Variants in FREM2 observed in about 807,000 individuals in gnomAD.
FREM2 encodes FRAS1 related extracellular matrix 2, also known as FRAS1-related extracellular matrix protein 2.
A neutral mutation model predicts 219.9 loss-of-function variants in FREM2; 119 were observed. The ratio of observed to expected loss-of-function variants is 0.54; its 90% confidence interval spans 0.47 to 0.63. The LOEUF is 0.63. FREM2 is among the 30% of genes least tolerant of loss of function. The probability of loss-of-function intolerance (pLI) is 0.00; values close to 1 mark genes in which losing one functional copy is unlikely to be tolerated. For missense variants in FREM2, 4,030 were observed against 3,993.6 expected (o/e 1.01, Z -0.25); for synonymous variants, 1,562 against 1,522.8 (o/e 1.03, Z -0.60).
Position 38,878,335 on chromosome 13 carries a change from C to T in FREM2, c.8859+14C>T. 2 of 1,602,032 alleles carry T rather than the reference C, an allele frequency of 1.2e-6. No individual in the cohort carries two copies. The highest frequency in any genetic ancestry group is 1.7e-6 in the Non-Finnish European group (2 of 1,170,162). On this transcript the variant is annotated intron_variant, in intron 22 of 23. Transcript: ENST00000280481. Reference sequence around the variant, plus strand: ...TTTAAAATTGTGGTAAGTGCTTTGACCCAAAAAATGAGCTAGATAGATTTT... The same window carrying T: ...TTTAAAATTGTGGTAAGTGCTTTGATCCAAAAAATGAGCTAGATAGATTTT...
At chr13:38,862,834 T>TA (rs1252366406) in intron 15 of FREM2, among the ~76,000 whole-genome samples, 4 of 152,200 alleles carry the variant, frequency 2.6e-5, no homozygotes, top group African/African-American at 9.6e-5. Flanking sequence ...GACATAAAGA[T>TA]GGTATGGAAT....
intron 6 of FREM2, among the ~76,000 whole-genome samples, chr13:38,835,805 CTT>C (rs1426183750): frequency 6.6e-6 from 1 of 152,238 alleles, no homozygotes; most frequent in Non-Finnish European, 1.5e-5. Flanking sequence ...TATCCTGAGA[CTT>C]TGCTGAAGTT....
chr13:38,697,812 TG>T, intron 2 of FREM2, 25 bp downstream of exon 2: 2 of 1,323,558 alleles, frequency 1.5e-6, no homozygotes, highest in Non-Finnish European at 2.2e-6. Flanking sequence ...CTCCTGGTAG[TG>T]ACCGCAAGGA....
intron 2 of FREM2, among the ~76,000 whole-genome samples, chr13:38,750,122 C>T (rs1025601156): frequency 6.6e-6 from 1 of 152,118 alleles, no homozygotes; most frequent in Non-Finnish European, 1.5e-5. Flanking sequence ...GAAATTTATT[C>T]GTCATTTATT....
chr13:38,782,732 G>A (rs1874166548), intron 4 of FREM2, among the ~76,000 whole-genome samples: 1 of 152,234 alleles, frequency 6.6e-6, no homozygotes, highest in Non-Finnish European at 1.5e-5. Flanking sequence ...CCTCTCAAGT[G>A]GTGCTCCATT....
Position 38,874,567 on chromosome 13 carries a change from A to G in FREM2, c.8262A>G (p.Leu2754=), listed in dbSNP as rs140969743. ...HFKTEAQFHG[L]FVLSHPASFT... is the part of the protein sequence containing the mutation. ...AGACAGAGGCTCAGTTCCATGGCTT[A>G]TTTGTGCTGTCACATCCCGGTAAGC... Residue 2754 remains leucine (L), a synonymous_variant, in exon 18 of 24, where the codon TTA becomes TTG. Transcript: ENST00000280481. The G allele has an allele frequency of 8.7e-6, 14 of 1,613,878 alleles. No homozygotes were observed. In the African/African-American group the frequency reaches 1.9e-4, roughly 22 times the overall value.
At position 38,861,609 on chromosome 13, in the gene FREM2, C is replaced by T. The variant is rs187740086; in HGVS notation, c.7651+47C>T. 60 of 1,596,526 alleles carry T rather than the reference C, an allele frequency of 3.8e-5. 1 individual carries two copies. In the East Asian group the frequency reaches 1.3e-3, roughly 34 times the overall value. On this transcript the variant is annotated intron_variant, in intron 15 of 23. Coordinates refer to ENST00000280481, the MANE Select transcript of FREM2 (RefSeq NM_207361.6). ...ATCCATGGAATTGTTTTGGACTCCT[C>T]ATTACCTGTTGTATTTTCCTTCATC...
chr13:38,780,067 A>T (rs1408292348), intron 4 of FREM2, among the ~76,000 whole-genome samples: 3 of 152,170 alleles, frequency 2.0e-5, no homozygotes, highest in Non-Finnish European at 2.9e-5. Context: ...GTGGCTCTAC[A>T]TACCATCAAC....
chr13:38,813,834 G>T (rs1875642251), intron 6 of FREM2, among the ~76,000 whole-genome samples: 1 of 151,272 alleles, frequency 6.6e-6, no homozygotes, highest in Admixed American at 6.6e-5. Flanking sequence ...ATAACTCTTA[G>T]GTTTGCCCTT....
chr13:38,872,634 G>C, intron 16 of FREM2, 108 bp from the exon 17 acceptor site: 1 of 885,350 alleles, frequency 1.1e-6, no homozygotes, highest in Admixed American at 2.0e-5. Context: ...TCTTCTCAAT[G>C]ATTACTCAAA....
chr13:38,762,310 C>T (rs1409830363), intron 2 of FREM2, among the ~76,000 whole-genome samples: 2 of 152,152 alleles, frequency 1.3e-5, no homozygotes, highest in African/African-American at 4.8e-5. Flanking sequence ...AGCCCATGGC[C>T]TCTCCTCTCC....
At chr13:38,808,567 C>T (rs1395107829) in intron 6 of FREM2, among the ~76,000 whole-genome samples, 1 of 151,826 alleles carries the variant, frequency 6.6e-6, no homozygotes, top group Non-Finnish European at 1.5e-5. Flanking sequence ...ATTCTTGTGT[C>T]TCAGGGAATA....
At chr13:38,754,063 G>T (rs762851316) in intron 2 of FREM2, among the ~76,000 whole-genome samples, 1 of 152,082 alleles carries the variant, frequency 6.6e-6, no homozygotes, top group South Asian at 2.1e-4. Context: ...GCTCAGGCTT[G>T]CAGATTCCCA....
chr13:38,866,710 T>C (rs1319658249), intron 16 of FREM2, among the ~76,000 whole-genome samples: 1 of 151,902 alleles, frequency 6.6e-6, no homozygotes, highest in Non-Finnish European at 1.5e-5. Context: ...TGAACTTCTC[T>C]GTGGATCTCA....
At chr13:38,713,752 A>G (rs1403607422) in intron 2 of FREM2, among the ~76,000 whole-genome samples, 1 of 152,204 alleles carries the variant, frequency 6.6e-6, no homozygotes, top group Non-Finnish European at 1.5e-5. Context: ...ATTAAATTCC[A>G]TGAAACCTTG....
chr13:38,734,016 G>A (rs1475605917), intron 2 of FREM2, among the ~76,000 whole-genome samples: 2 of 151,978 alleles, frequency 1.3e-5, no homozygotes, highest in East Asian at 3.9e-4. Flanking sequence ...CAAATAAATA[G>A]GTGGTATAAG....
chr13:38,768,058 C>T (rs926039340), intron 3 of FREM2, among the ~76,000 whole-genome samples: 1 of 152,150 alleles, frequency 6.6e-6, no homozygotes, highest in African/African-American at 2.4e-5. Context: ...GATACAGCCC[C>T]AGCACATGGA....
chr13:38,701,517 A>C (rs1409753752), intron 2 of FREM2, among the ~76,000 whole-genome samples: 2 of 152,110 alleles, frequency 1.3e-5, no homozygotes, highest in African/African-American at 4.8e-5. Flanking sequence ...AGGGAGAAAT[A>C]AAATATTTAT....
chr13:38,853,339 A>G (rs968505782), intron 11 of FREM2, among the ~76,000 whole-genome samples: 3 of 151,746 alleles, frequency 2.0e-5, no homozygotes, highest in Admixed American at 6.6e-5. Context: ...AAAAAAAACA[A>G]ATCAGTTCTT....
Sources: gnomAD v4.1 joint callset for allele counts (sites outside exome capture counted in the v4.1 genomes callset) on GRCh38, gnomAD v4.1.1 for gene constraint, MANE v1.5 for transcripts, NCBI Gene and HGNC (gene_info 2026-07-23, HGNC 2026-07-21) for gene names.